CDK19: variants seen among roughly 807,000 people sequenced by gnomAD.
The protein encoded by CDK19 is cyclin-dependent kinase 19.
In CDK19, 20 loss-of-function variants were observed where a neutral mutation model predicts 68.3. The observed-to-expected ratio is 0.29, with a 90% CI of 0.21 to 0.43. The LOEUF (loss-of-function observed/expected upper bound fraction) is 0.43. CDK19 is among the 20% of genes least tolerant of loss of function. The pLI, the probability that CDK19 is intolerant of heterozygous loss-of-function variation, is 1.00. For synonymous variants in CDK19, 221 were observed against 222.8 expected (o/e 0.99, Z 0.07); for missense variants, 339 against 623.5 (o/e 0.54, Z 4.86).
At chr6:110,732,102 C>T (rs117089827) in intron 2 of CDK19, among the ~76,000 whole-genome samples, 4,088 of 151,194 alleles carry the variant, frequency 0.027, 79 homozygotes, top group South Asian at 0.084. Context: ...CAGTAAACTG[C>T]GCCATCTAGC....
chr6:110,733,645 T>C (rs1776934080), intron 2 of CDK19, among the ~76,000 whole-genome samples: 1 of 152,028 alleles, frequency 6.6e-6, no homozygotes, highest in South Asian at 2.1e-4. Context: ...GGAGGTATAG[T>C]ATATTTTTAA....
At position 110,754,033 on chromosome 6, in the gene CDK19, C is replaced by CTTT. The variant is rs751347932; in HGVS notation, c.129-7835_129-7833dup. ...AATTTGTTTCTAAAATTGGCAAATT[C>CTTT]TTTTTTTTTTTTTTTAGACAGGGTC... On this transcript the variant is annotated intron_variant, in intron 1 of 12. Coordinates refer to ENST00000368911, the MANE Select transcript of CDK19 (RefSeq NM_015076.5). 4.8e-4 allele frequency among the ~76,000 whole-genome samples: 66 copies of CTTT among 138,818 alleles called. 1 individual carries two copies. Among genetic ancestry groups the CTTT allele is most frequent in the African/African-American group, 5.3e-4 (20 of 37,902 alleles). 91.1% of individuals were successfully genotyped at this position (138,818 alleles called of 152,430 possible). A position where few individuals can be genotyped will look rare whatever the true frequency, so the allele number is the denominator to read the frequency against.
intron 1 of CDK19, among the ~76,000 whole-genome samples, chr6:110,799,144 TAAAAA>T (rs369106433): frequency 0.11 from 5,537 of 49,154 alleles, 169 homozygotes; most frequent in Middle Eastern, 0.26. Flanking sequence ...ACCCTGTATT[TAAAAA>T]AAAAAAAAAA....
At chr6:110,799,603 A>C (rs1214807630) in intron 1 of CDK19, among the ~76,000 whole-genome samples, 2 of 150,724 alleles carry the variant, frequency 1.3e-5, no homozygotes, top group African/African-American at 2.5e-5. Context: ...AGTTTTTTCT[A>C]ATTTTTTTTT....
At chr6:110,741,051 C>A (rs1242662650) in intron 2 of CDK19, among the ~76,000 whole-genome samples, 1 of 151,962 alleles carries the variant, frequency 6.6e-6, no homozygotes, top group Non-Finnish European at 1.5e-5. Context: ...GAAAAATGAA[C>A]AGAGCCTTGG....
rs1050475569 is a variant in CDK19 at position 110,640,070 on chromosome 6, A to G, written c.457-1364T>C. Among the ~76,000 whole-genome samples the G allele has an allele frequency of 3.9e-5, 6 of 152,136 alleles. No homozygotes were observed. The East Asian group carries it at 1.2e-3, about 29-fold the overall frequency. On this transcript the variant is annotated intron_variant, in intron 4 of 12. Transcript: ENST00000368911. ...TTCTGTTTCTACAAATAATTTTTTA[A>G]AATAGCCTAGTGTGGTGGCATGCAC...
At chr6:110,751,813 T>C (rs1439518897) in intron 1 of CDK19, among the ~76,000 whole-genome samples, 1 of 151,624 alleles carries the variant, frequency 6.6e-6, no homozygotes, top group East Asian at 1.9e-4. Context: ...TAGGTGTTAC[T>C]AGTAAGACAT....
At chr6:110,697,822 G>C (rs1324700062) in intron 2 of CDK19, among the ~76,000 whole-genome samples, 1 of 152,258 alleles carries the variant, frequency 6.6e-6, no homozygotes, top group East Asian at 1.9e-4. Flanking sequence ...TAGGCACACA[G>C]ACCAACAGAA....
chr6:110,730,894 A>G (rs1328945457), intron 2 of CDK19, among the ~76,000 whole-genome samples: 1 of 152,126 alleles, frequency 6.6e-6, no homozygotes, highest in Non-Finnish European at 1.5e-5. Flanking sequence ...TCTACTAAAA[A>G]TACAGAAATT....
chr6:110,795,073 T>G (rs1313980460), intron 1 of CDK19, among the ~76,000 whole-genome samples: 1 of 152,082 alleles, frequency 6.6e-6, no homozygotes, highest in Admixed American at 6.6e-5. Context: ...CTGGCTCAGG[T>G]GTTTCTCCCA....
intron 4 of CDK19, among the ~76,000 whole-genome samples, chr6:110,664,694 G>C (rs1409971958): frequency 6.6e-6 from 1 of 152,116 alleles, no homozygotes; most frequent in Admixed American, 6.6e-5. Context: ...GCTCTCTCAA[G>C]AAGTTCACAG....
intron 2 of CDK19, among the ~76,000 whole-genome samples, chr6:110,698,460 C>A (rs922101100): frequency 2.6e-5 from 4 of 152,070 alleles, no homozygotes; most frequent in African/African-American, 9.7e-5. Context: ...CAATGAGATA[C>A]CACCTTACTT....
chr6:110,720,844 A>C (rs73526594), intron 2 of CDK19, among the ~76,000 whole-genome samples: 22,801 of 148,686 alleles, frequency 0.15, 1,943 homozygotes, highest in East Asian at 0.31. Flanking sequence ...CTCCAGCCTG[A>C]ATAACAGGGC....
At chr6:110,643,464 C>T (rs1268538816) in intron 4 of CDK19, among the ~76,000 whole-genome samples, 3 of 152,074 alleles carry the variant, frequency 2.0e-5, no homozygotes, top group Non-Finnish European at 4.4e-5. Flanking sequence ...AGACAAACTT[C>T]GTATGTTCTC....
intron 1 of CDK19, among the ~76,000 whole-genome samples, chr6:110,802,542 G>A (rs529565154): frequency 1.3e-4 from 20 of 152,258 alleles, no homozygotes; most frequent in African/African-American, 4.1e-4. Context: ...AAAAACAGAG[G>A]AAAAAGGGTT....
At chr6:110,802,673 T>C (rs1218042607) in intron 1 of CDK19, among the ~76,000 whole-genome samples, 1 of 152,190 alleles carries the variant, frequency 6.6e-6, no homozygotes, top group Non-Finnish European at 1.5e-5. Flanking sequence ...CCTGCACATG[T>C]ATCCCCAAAT....
intron 1 of CDK19, among the ~76,000 whole-genome samples, chr6:110,811,792 G>A (rs557762483): frequency 1.9e-3 from 289 of 152,084 alleles, no homozygotes; most frequent in Middle Eastern, 0.017. Context: ...AGCACTTTGG[G>A]AAGCCAGGAG....
At chr6:110,746,265 C>T (rs959350958) in intron 1 of CDK19, 64 bp from the exon 2 acceptor site, 21 of 957,796 alleles carry the variant, frequency 2.2e-5, no homozygotes, top group Admixed American at 6.3e-5. Context: ...ATTATAACTA[C>T]AAAAACAATG....
intron 2 of CDK19, among the ~76,000 whole-genome samples, chr6:110,743,406 T>C (rs892299223): frequency 3.3e-5 from 5 of 151,820 alleles, no homozygotes; most frequent in East Asian, 1.9e-4. Flanking sequence ...CTTTGGGAGG[T>C]TGTGGCGGGT....
Sources: gnomAD v4.1 joint callset for allele counts (sites outside exome capture counted in the v4.1 genomes callset) on GRCh38, gnomAD v4.1.1 for gene constraint, MANE v1.5 for transcripts, NCBI Gene and HGNC (gene_info 2026-07-23, HGNC 2026-07-21) for gene names.